Variants in KCNIP4 observed in about 807,000 individuals in gnomAD.
KCNIP4 encodes the protein Kv channel-interacting protein 4.
In KCNIP4, 12 loss-of-function variants were observed where a neutral mutation model predicts 34.0. The observed-to-expected ratio is 0.35, with a 90% confidence interval of 0.23 to 0.57. KCNIP4 has a LOEUF of 0.57. Among genes scored for constraint, KCNIP4 ranks in the 20% least tolerant of loss-of-function variants. The pLI is 0.83. For synonymous variants in KCNIP4, 124 were observed against 102.2 expected (o/e 1.21, Z -1.29); for missense variants, 238 against 311.7 (o/e 0.76, Z 1.78).
At chr4:21,198,284 G>A (rs17448844) in intron 1 of KCNIP4, among the ~76,000 whole-genome samples, 46,514 of 152,084 alleles carry the variant, frequency 0.31, 7,328 homozygotes, top group South Asian at 0.5. Context: ...ACCCCTGAGA[G>A]TTTTAACCTC....
intron 1 of KCNIP4, among the ~76,000 whole-genome samples, chr4:21,556,213 A>G (rs2109023606): frequency 6.6e-6 from 1 of 152,240 alleles, no homozygotes; most frequent in Non-Finnish European, 1.5e-5. Flanking sequence ...CAATTTAGGG[A>G]TAATTATAAC....
chr4:21,236,709 C>A (rs983230954), intron 1 of KCNIP4, among the ~76,000 whole-genome samples: 3 of 151,788 alleles, frequency 2.0e-5, no homozygotes, highest in Non-Finnish European at 4.4e-5. Context: ...TTCAGCTTAC[C>A]TTTTAAGATA....
At chr4:20,878,495 G>C (rs562210990) in intron 2 of KCNIP4, among the ~76,000 whole-genome samples, 12 of 152,104 alleles carry the variant, frequency 7.9e-5, no homozygotes, top group African/African-American at 2.7e-4. Flanking sequence ...ATTACCACAG[G>C]TTTACTTCTG....
At chr4:21,903,331 CAAAT>C (rs1439663094) in intron 1 of KCNIP4, among the ~76,000 whole-genome samples, 1 of 151,998 alleles carries the variant, frequency 6.6e-6, no homozygotes, top group Non-Finnish European at 1.5e-5. Flanking sequence ...TGATAAATAA[CAAAT>C]AACTGAAATT....
intron 1 of KCNIP4, among the ~76,000 whole-genome samples, chr4:21,207,873 G>C (rs570110607): frequency 4.8e-4 from 53 of 110,218 alleles, no homozygotes; most frequent in Non-Finnish European, 1.0e-4. Context: ...GACATAGTCT[G>C]GCTCTATTGC....
intron 1 of KCNIP4, among the ~76,000 whole-genome samples, chr4:21,293,328 A>G (rs1482142442): frequency 6.6e-6 from 1 of 152,206 alleles, no homozygotes; most frequent in Admixed American, 6.5e-5. Context: ...TGAAGGAGGT[A>G]GGGTTCAAGT....
At chr4:21,475,107 T>A (rs1730837872) in intron 1 of KCNIP4, among the ~76,000 whole-genome samples, 1 of 152,140 alleles carries the variant, frequency 6.6e-6, no homozygotes, top group South Asian at 2.1e-4. Context: ...TCTTTACAGT[T>A]TTTGTTCATA....
chr4:21,743,007 G>T (rs1390104372), intron 1 of KCNIP4, among the ~76,000 whole-genome samples: 2 of 152,106 alleles, frequency 1.3e-5, no homozygotes, highest in Non-Finnish European at 2.9e-5. Context: ...CCATAGGCTG[G>T]AGCAGAAATA....
intron 1 of KCNIP4, among the ~76,000 whole-genome samples, chr4:21,237,786 A>T (rs1759479373): frequency 6.6e-6 from 1 of 152,220 alleles, no homozygotes; most frequent in African/African-American, 2.4e-5. Context: ...TCACAGCCGA[A>T]TTCTACCAGA....
chr4:20,970,349 C>T (rs1734809865), intron 1 of KCNIP4, among the ~76,000 whole-genome samples: 1 of 152,190 alleles, frequency 6.6e-6, no homozygotes, highest in Non-Finnish European at 1.5e-5. Context: ...AGTAGAAAAT[C>T]ATATACTTCC....
intron 1 of KCNIP4, among the ~76,000 whole-genome samples, chr4:21,237,167 C>T (rs1439520912): frequency 2.6e-5 from 4 of 152,046 alleles, no homozygotes; most frequent in Non-Finnish European, 1.5e-5. Flanking sequence ...TAATTAATTA[C>T]GTACTTTCAT....
intron 3 of KCNIP4, among the ~76,000 whole-genome samples, chr4:20,830,274 T>C (rs1286412640): frequency 6.6e-6 from 1 of 152,158 alleles, no homozygotes; most frequent in Non-Finnish European, 1.5e-5. Context: ...CCTTTACAGG[T>C]AATCCAAAAA....
At chr4:20,765,520 G>A (rs768918063) in intron 3 of KCNIP4, among the ~76,000 whole-genome samples, 1 of 152,090 alleles carries the variant, frequency 6.6e-6, no homozygotes, top group Non-Finnish European at 1.5e-5. Flanking sequence ...TGGTTTTAGT[G>A]TAACAAGAAC....
chr4:21,782,861 A>C (rs1218809401), intron 1 of KCNIP4, among the ~76,000 whole-genome samples: 1 of 152,224 alleles, frequency 6.6e-6, no homozygotes, highest in Non-Finnish European at 1.5e-5. Context: ...ATACTGCTAT[A>C]AACAGCAACC....
intron 4 of KCNIP4, among the ~76,000 whole-genome samples, chr4:20,756,582 A>G (rs1309927723): frequency 6.6e-6 from 1 of 151,688 alleles, no homozygotes; most frequent in Non-Finnish European, 1.5e-5. Context: ...TGCTGTCTCT[A>G]TTGGTTGTCG....
intron 1 of KCNIP4, chr4:21,582,143 A>T (rs1741278744): frequency 1.3e-5 from 2 of 148,458 alleles, no homozygotes; most frequent in African/African-American, 4.9e-5. Context: ...ATATTTTTGA[A>T]ATCATTTATT....
chr4:21,518,394 G>A (rs1379275994), intron 1 of KCNIP4, among the ~76,000 whole-genome samples: 4 of 152,120 alleles, frequency 2.6e-5, no homozygotes, highest in Admixed American at 6.5e-5. Flanking sequence ...CTCTACAGTG[G>A]AGGAGACCCT....
At chr4:20,884,270 A>G (rs1314779696) in intron 1 of KCNIP4, among the ~76,000 whole-genome samples, 3 of 152,188 alleles carry the variant, frequency 2.0e-5, no homozygotes, top group Non-Finnish European at 4.4e-5. Flanking sequence ...CAGGTTTGTT[A>G]CATAGGTATA....
intron 1 of KCNIP4, among the ~76,000 whole-genome samples, chr4:21,058,306 A>G (rs1489897852): frequency 3.3e-5 from 5 of 152,178 alleles, no homozygotes; most frequent in African/African-American, 7.2e-5. Context: ...CAAGAAGGAC[A>G]TATATCATCA....
Sources: allele counts gnomAD v4.1 joint callset (sites outside exome capture counted in the v4.1 genomes callset), GRCh38; gene constraint gnomAD v4.1.1; transcripts MANE v1.5; gene names NCBI Gene and HGNC (gene_info 2026-07-23, HGNC 2026-07-21).